The following TTC27 variants were observed in gnomAD, a reference collection of about 807,000 sequenced individuals.
The protein encoded by TTC27 is tetratricopeptide repeat domain 27, also known as tetratricopeptide repeat protein 27.
Under a neutral mutation model 115.9 loss-of-function variants are expected in TTC27, and 79 were observed. The observed-to-expected ratio is 0.68, with a 90% CI of 0.57 to 0.82. TTC27 has a LOEUF of 0.82. Among genes scored for constraint, TTC27 ranks in the 40% least tolerant of loss-of-function variants. The pLI is 0.00. For missense variants in TTC27, 1,054 were observed against 993.1 expected, an observed-to-expected ratio of 1.06 and a Z score of -0.82; for synonymous variants, 401 against 356.0, an observed-to-expected ratio of 1.13 and a Z score of -1.42.
intron 9 of TTC27, among the ~76,000 whole-genome samples, chr2:32,702,371 T>C (rs1667215368): frequency 6.6e-6 from 1 of 152,198 alleles, no homozygotes; most frequent in South Asian, 2.1e-4. Flanking sequence ...GTGTTTATCA[T>C]AGTACATTTT....
chr2:32,653,058 C>G (rs754087588), intron 5 of TTC27, among the ~76,000 whole-genome samples: 11 of 152,150 alleles, frequency 7.2e-5, no homozygotes, highest in Non-Finnish European at 1.6e-4. Context: ...TTGGATGTCA[C>G]ACTAAATGAA....
At chr2:32,685,491 A>T (rs2151892392) in intron 9 of TTC27, among the ~76,000 whole-genome samples, 1 of 152,304 alleles carries the variant, frequency 6.6e-6, no homozygotes, top group East Asian at 1.9e-4. Context: ...ACAACTATAA[A>T]ATTGGATAAA....
At chr2:32,777,759 T>C in intron 13 of TTC27, 123 bp from the exon 14 acceptor site, 2 of 837,710 alleles carry the variant, frequency 2.4e-6, no homozygotes, top group Non-Finnish European at 3.7e-6. Context: ...AAGGCAAATA[T>C]TTATTATATA....
chr2:32,678,333 T>C (rs1362122563), intron 8 of TTC27, among the ~76,000 whole-genome samples: 1 of 152,118 alleles, frequency 6.6e-6, no homozygotes, highest in Non-Finnish European at 1.5e-5. Flanking sequence ...ATTTTATTTT[T>C]ATACCTTTAT....
At chr2:32,740,717 C>T (rs1299358045) in intron 12 of TTC27, among the ~76,000 whole-genome samples, 4 of 152,220 alleles carry the variant, frequency 2.6e-5, no homozygotes, top group South Asian at 2.1e-4. Flanking sequence ...TGCAGTGGCA[C>T]GATCTTAGCT....
At chr2:32,660,677 T>C (rs540774874) in intron 5 of TTC27, among the ~76,000 whole-genome samples, 27 of 152,242 alleles carry the variant, frequency 1.8e-4, no homozygotes, top group Non-Finnish European at 3.4e-4. Flanking sequence ...AGCCCTTTGT[T>C]AGATGGGTAG....
intron 6 of TTC27, among the ~76,000 whole-genome samples, chr2:32,665,265 T>G (rs1252969009): frequency 1.3e-5 from 2 of 152,166 alleles, no homozygotes; most frequent in African/African-American, 4.8e-5. Context: ...ACATTGTGTG[T>G]GTGGGCAAAA....
chr2:32,767,180 G>A (rs559746419), intron 13 of TTC27, among the ~76,000 whole-genome samples: 83 of 152,134 alleles, frequency 5.5e-4, no homozygotes, highest in Non-Finnish European at 7.6e-4. Context: ...TTTTAAAACC[G>A]TAATACCATT....
At chr2:32,700,404 A>G (rs1456213413) in intron 9 of TTC27, among the ~76,000 whole-genome samples, 2 of 152,016 alleles carry the variant, frequency 1.3e-5, no homozygotes, top group African/African-American at 4.8e-5. Flanking sequence ...GTACTCTTCC[A>G]TTTTGTTGTC....
At chr2:32,637,542 A>G (rs1038981602) in intron 3 of TTC27, among the ~76,000 whole-genome samples, 1 of 152,038 alleles carries the variant, frequency 6.6e-6, no homozygotes, top group Non-Finnish European at 1.5e-5. Context: ...CTTATTGGCC[A>G]GGCTGCTCTC....
chr2:32,717,483 T>C (rs1330918061), intron 10 of TTC27, among the ~76,000 whole-genome samples: 2 of 152,192 alleles, frequency 1.3e-5, no homozygotes, highest in Admixed American at 6.5e-5. Context: ...TCTTTTTTGC[T>C]CTTTGCTGTA....
intron 2 of TTC27, among the ~76,000 whole-genome samples, chr2:32,633,464 G>C (rs1664291143): frequency 6.6e-6 from 1 of 151,792 alleles, no homozygotes; most frequent in South Asian, 2.1e-4. Flanking sequence ...CTAGGCTGGA[G>C]TACAGTGCTA....
At chr2:32,747,808 C>T (rs747798343) in intron 12 of TTC27, among the ~76,000 whole-genome samples, 9 of 152,062 alleles carry the variant, frequency 5.9e-5, no homozygotes, top group Non-Finnish European at 1.2e-4. Flanking sequence ...GCGTAGGATA[C>T]CTGGGGAGTA....
chr2:32,773,906 G>A (rs1421209961), intron 13 of TTC27, among the ~76,000 whole-genome samples: 3 of 152,186 alleles, frequency 2.0e-5, no homozygotes, highest in Non-Finnish European at 2.9e-5. Context: ...GAGAAATAGT[G>A]TAACTGTGTT....
intron 19 of TTC27, among the ~76,000 whole-genome samples, chr2:32,818,499 G>A (rs1671580204): frequency 6.6e-6 from 1 of 152,138 alleles, no homozygotes; most frequent in African/African-American, 2.4e-5. Flanking sequence ...AATCACTCAG[G>A]GAGCTTTATT....
At chr2:32,732,571 C>G (rs564094728) in intron 10 of TTC27, among the ~76,000 whole-genome samples, 1 of 152,116 alleles carries the variant, frequency 6.6e-6, no homozygotes, top group Admixed American at 6.6e-5. Flanking sequence ...TCTCCTGAGG[C>G]TTGGACTTGC....
intron 6 of TTC27, among the ~76,000 whole-genome samples, chr2:32,665,384 G>A (rs1665733135): frequency 6.6e-6 from 1 of 152,142 alleles, no homozygotes; most frequent in South Asian, 2.1e-4. Context: ...ATCTTGTGAG[G>A]TTAGTTTCAG....
intron 8 of TTC27, among the ~76,000 whole-genome samples, 165 bp downstream of exon 8, chr2:32,672,549 G>C (rs899515800): frequency 2.0e-5 from 3 of 152,194 alleles, no homozygotes; most frequent in Admixed American, 1.3e-4. Context: ...TAAAGGGTTA[G>C]ATATTACAAA....
chr2:32,690,289 C>T (rs1468151158), intron 9 of TTC27, among the ~76,000 whole-genome samples: 1 of 151,972 alleles, frequency 6.6e-6, no homozygotes, highest in Non-Finnish European at 1.5e-5. Flanking sequence ...GTTTTAAAAG[C>T]TTAATGGCAG....
Sources: gnomAD v4.1 joint callset for allele counts (sites outside exome capture counted in the v4.1 genomes callset) on GRCh38, gnomAD v4.1.1 for gene constraint, MANE v1.5 for transcripts, NCBI Gene and HGNC (gene_info 2026-07-23, HGNC 2026-07-21) for gene names.